Variants in NME7 observed in about 807,000 individuals in gnomAD.
NME7 encodes the protein nucleoside diphosphate kinase 7.
NME7 carries 41 observed loss-of-function variants against 49.1 expected under a neutral mutation model. The observed-to-expected ratio is 0.83, with a 90% confidence interval of 0.65 to 1.08. NME7 has a LOEUF of 1.08. Among genes scored for constraint, NME7 ranks in the 50% least tolerant of loss-of-function variants. The pLI is 0.00. For synonymous variants in NME7, 139 were observed against 150.6 expected (o/e 0.92, Z 0.56); for missense variants, 423 against 463.4 (o/e 0.91, Z 0.80).
At position 169,167,959 on chromosome 1, in the gene NME7, AGACCATCAGGTG is replaced by A. The variant is rs139771602; in HGVS notation, c.1098+1476_1098+1487del. Reference sequence around the variant, plus strand: ...CATACCTCACACCAGGAGTGTTGGGAGACCATCAGGTGATGGTCAGGTGGTTGTTAACTGTCT... The same window carrying A: ...CATACCTCACACCAGGAGTGTTGGGAATGGTCAGGTGGTTGTTAACTGTCT... On this transcript the variant is annotated intron_variant, in intron 11 of 11. Coordinates refer to ENST00000367811, the MANE Select transcript of NME7 (RefSeq NM_013330.5). Among the ~76,000 whole-genome samples, 495 of 152,282 alleles carry A rather than the reference AGACCATCAGGTG, an allele frequency of 3.3e-3. 3 individuals are homozygous for A. The highest frequency in any genetic ancestry group is 0.011 in the African/African-American group (459 of 41,558).
At chr1:169,177,993 C>T (rs1415946360) in intron 10 of NME7, among the ~76,000 whole-genome samples, 1 of 151,876 alleles carries the variant, frequency 6.6e-6, no homozygotes, top group African/African-American at 2.4e-5. Flanking sequence ...CCCGCCACCA[C>T]ACCCAGCTAA....
At chr1:169,273,502 G>A (rs139329005) in intron 7 of NME7, among the ~76,000 whole-genome samples, 2,210 of 129,270 alleles carry the variant, frequency 0.017, 268 homozygotes, top group African/African-American at 0.054. Flanking sequence ...GGGTACATGC[G>A]CACAATGTGC....
chr1:169,198,357 G>T (rs1660446869), intron 10 of NME7, among the ~76,000 whole-genome samples: 1 of 151,962 alleles, frequency 6.6e-6, no homozygotes, highest in Admixed American at 6.6e-5. Context: ...CTACTATTAA[G>T]AATATACTCA....
intron 11 of NME7, among the ~76,000 whole-genome samples, chr1:169,133,985 T>C (rs370095611): frequency 6.6e-6 from 1 of 152,194 alleles, no homozygotes. Context: ...TTGTGTACTT[T>C]CTGTTCTAAG....
intron 11 of NME7, among the ~76,000 whole-genome samples, chr1:169,157,491 T>G (rs190554774): frequency 6.6e-6 from 1 of 152,294 alleles, no homozygotes; most frequent in East Asian, 1.9e-4. Flanking sequence ...TCAGCATCCA[T>G]GCAATACATG....
At chr1:169,339,796 A>G (rs1212529353) in intron 1 of NME7, among the ~76,000 whole-genome samples, 1 of 152,180 alleles carries the variant, frequency 6.6e-6, no homozygotes, top group African/African-American at 2.4e-5. Flanking sequence ...GGACTTTTAC[A>G]TGGGTTTGGC....
intron 10 of NME7, among the ~76,000 whole-genome samples, chr1:169,214,489 A>G (rs1444212959): frequency 1.3e-5 from 2 of 152,248 alleles, no homozygotes; most frequent in Non-Finnish European, 2.9e-5. Context: ...TTATTGTTAA[A>G]TTCTCATAAG....
chr1:169,241,202 A>T (rs1460649625), intron 7 of NME7, among the ~76,000 whole-genome samples: 5 of 152,062 alleles, frequency 3.3e-5, no homozygotes, highest in Admixed American at 1.3e-4. Context: ...TAATAAAATT[A>T]TTTTTACTGC....
At chr1:169,343,593 G>C (rs1652854864) in intron 1 of NME7, among the ~76,000 whole-genome samples, 1 of 151,536 alleles carries the variant, frequency 6.6e-6, no homozygotes, top group Admixed American at 6.6e-5. Context: ...CCCAGTTCAA[G>C]CAATTCTCCT....
At chr1:169,231,870 G>T (rs1647637954) in intron 9 of NME7, among the ~76,000 whole-genome samples, 1 of 152,068 alleles carries the variant, frequency 6.6e-6, no homozygotes, top group Admixed American at 6.5e-5. Flanking sequence ...ATTTAACTAG[G>T]TGCCAGACCA....
chr1:169,250,713 CT>C (rs1245362183), intron 7 of NME7, among the ~76,000 whole-genome samples: 1 of 152,052 alleles, frequency 6.6e-6, no homozygotes, highest in East Asian at 1.9e-4. Context: ...AAAATTCCAT[CT>C]TGATTTCACT....
chr1:169,302,568 A>T (rs1558030656), intron 5 of NME7, among the ~76,000 whole-genome samples: 1 of 152,180 alleles, frequency 6.6e-6, no homozygotes, highest in Admixed American at 6.5e-5. Context: ...ACTCATGGAC[A>T]ATAATATCTA....
chr1:169,335,801 T>C (rs544022406), intron 1 of NME7, among the ~76,000 whole-genome samples: 10 of 148,344 alleles, frequency 6.7e-5, no homozygotes, highest in East Asian at 3.9e-4. Context: ...TATATATATA[T>C]ACATATATAT....
intron 1 of NME7, among the ~76,000 whole-genome samples, chr1:169,334,468 T>A (rs1652379995): frequency 6.6e-6 from 1 of 152,100 alleles, no homozygotes; most frequent in Non-Finnish European, 1.5e-5. Context: ...GGGGAAAGGA[T>A]CTCCTATTCA....
At chr1:169,192,253 C>T (rs140589791) in intron 10 of NME7, among the ~76,000 whole-genome samples, 228 of 152,192 alleles carry the variant, frequency 1.5e-3, no homozygotes, top group African/African-American at 5.3e-3. Flanking sequence ...CAGCTGGAGA[C>T]ATCTTAAAGG....
chr1:169,136,313 G>GAATAGTAT (rs1658429581), intron 11 of NME7, among the ~76,000 whole-genome samples: 1 of 152,168 alleles, frequency 6.6e-6, no homozygotes, highest in Admixed American at 6.5e-5. Context: ...GACAGCAAGA[G>GAATAGTAT]AATAGTATAA....
In NME7 at chr1:169,221,921, TTTTG is replaced by T. The variant is rs139378396; in HGVS notation, c.990+8793_990+8796del. On this transcript the variant is annotated intron_variant, in intron 10 of 11. Transcript: ENST00000367811. ...TGTTGTTGTTGTTTGTTTGTTTTATTTTTGTTTGTTTGTTTGTTTTTAAATAGAG... is the reference window on the plus strand; with the variant it reads ...TGTTGTTGTTGTTTGTTTGTTTTATTTTTGTTTGTTTGTTTTTAAATAGAG... Among the ~76,000 whole-genome samples, 1,838 of 152,028 alleles carry T rather than the reference TTTTG, an allele frequency of 0.012. 75 individuals carry two copies. The East Asian group carries it at 0.12, about 10-fold the overall frequency.
chr1:169,137,895 T>C (rs1658477008), intron 11 of NME7, among the ~76,000 whole-genome samples: 1 of 152,172 alleles, frequency 6.6e-6, no homozygotes, highest in Non-Finnish European at 1.5e-5. Context: ...GGGCTGCAGA[T>C]GTACCCCCCA....
At chr1:169,305,988 T>G (rs1651157787) in intron 4 of NME7, among the ~76,000 whole-genome samples, 1 of 152,206 alleles carries the variant, frequency 6.6e-6, no homozygotes, top group Non-Finnish European at 1.5e-5. Context: ...GCAGTTAAGT[T>G]TTCTTGGGAA....
Sources: allele counts gnomAD v4.1 joint callset (sites outside exome capture counted in the v4.1 genomes callset), GRCh38; gene constraint gnomAD v4.1.1; transcripts MANE v1.5; gene names NCBI Gene and HGNC (gene_info 2026-07-23, HGNC 2026-07-21).